Variants in ZNF599 observed in about 807,000 individuals in gnomAD.
The protein encoded by ZNF599 is zinc finger protein 599.
In ZNF599, 10 loss-of-function variants were observed where a neutral mutation model predicts 11.7. The observed-to-expected ratio is 0.86, with a 90% CI of 0.53 to 1.45. The LOEUF (loss-of-function observed/expected upper bound fraction) is 1.45, where lower values mean the gene tolerates loss of function less well. Among genes scored for constraint, ZNF599 ranks in the 40% most tolerant of loss-of-function variants. The pLI, the probability that ZNF599 is intolerant of heterozygous loss-of-function variation, is 0.00. For synonymous variants in ZNF599, 232 were observed against 253.2 expected (o/e 0.92, Z 0.79); for missense variants, 688 against 713.6 (o/e 0.96, Z 0.41).
the ZNF599 span, among the ~76,000 whole-genome samples, chr19:34,786,334 G>C: frequency 6.6e-6 from 1 of 152,084 alleles, no homozygotes; most frequent in Non-Finnish European, 1.5e-5. Context: ...ACTTGTTCTT[G>C]CTGCAGTTGG....
At position 34,759,587 on chromosome 19, in the gene ZNF599, G is replaced by A. The variant is rs1191173027; in HGVS notation, c.1214C>T (p.Thr405Ile). 12 of 1,613,190 alleles carry A rather than the reference G, an allele frequency of 7.4e-6. No homozygotes were observed. The highest frequency in any genetic ancestry group is 1.0e-5 in the Non-Finnish European group (12 of 1,179,778). Residue 405 changes from threonine (T) to isoleucine (I), a missense_variant, in exon 4 of 4, where the codon ACT (threonine) becomes ATT (isoleucine). Transcript: ENST00000329285. ...YECGECGKAF[T>I]HRSTFIRHKR... The stretch of plus-strand genomic sequence containing the variant: ...ATGTCGGATGAAAGTGGAGCGATGA[G>A]TAAAGGCCTTTCCACATTCACCGCA...
the ZNF599 span, among the ~76,000 whole-genome samples, chr19:34,793,563 A>G: frequency 2.0e-5 from 3 of 152,264 alleles, no homozygotes; most frequent in African/African-American, 7.2e-5. Context: ...ACAACAATGA[A>G]ATAAAAATAA....
the ZNF599 span, among the ~76,000 whole-genome samples, chr19:34,797,790 T>C: frequency 6.6e-6 from 1 of 152,324 alleles, no homozygotes; most frequent in African/African-American, 2.4e-5. Flanking sequence ...CAAAAGCTGA[T>C]TGCAAACAAT....
Position 34,760,175 on chromosome 19 carries a change from C to G in ZNF599, c.626G>C (p.Ser209Thr), listed in dbSNP as rs73591309. Reference protein sequence around the residue: ...YTCTECGKGFSKKWALVRHQQ... With the variant: ...YTCTECGKGFTKKWALVRHQQ... ...ATGCCGAACAAGGGCCCACTTCTTG[C>G]TAAACCCTTTCCCACATTCCGTGCA... The change falls in exon 4 of 4, where the codon AGC becomes ACC. Residue 209 changes from serine (S) to threonine (T), a missense_variant. Physicochemically the swap from Ser to Thr is moderately conservative, Grantham distance 58. Transcript: ENST00000329285. 2.1e-3 allele frequency: 3,418 copies of G among 1,614,156 alleles called. 75 individuals carry two copies. The African/African-American group carries it at 0.039, about 19-fold the overall frequency.
At chr19:34,769,767 TACAAG>T (rs1459963954) in intron 1 of ZNF599, among the ~76,000 whole-genome samples, 1 of 152,190 alleles carries the variant, frequency 6.6e-6, no homozygotes, top group African/African-American at 2.4e-5. Flanking sequence ...TGGAAAATGA[TACAAG>T]ACAATGATAA....
At position 34,759,027 on chromosome 19, in the gene ZNF599, G is replaced by T; in HGVS notation, c.*7C>A. ...AAACACACTTGTAATAGGCCTTCCT[G>T]TATCTTTTAAACTCTGGTATGAATC... On this transcript the variant is annotated 3_prime_UTR_variant, in exon 4 of 4. Transcript: ENST00000329285. 6.3e-7 allele frequency: 1 copy of T among 1,598,986 alleles called. No individual in the cohort carries two copies. The highest frequency in any genetic ancestry group is 8.5e-7 in the Non-Finnish European group (1 of 1,170,996).
At chr19:34,762,220 C>T (rs2069117625) in intron 3 of ZNF599, among the ~76,000 whole-genome samples, 1 of 152,088 alleles carries the variant, frequency 6.6e-6, no homozygotes, top group Admixed American at 6.5e-5. Flanking sequence ...CATACATTGC[C>T]CAGTCAACAT....
At chr19:34,804,787 C>A in the ZNF599 span, among the ~76,000 whole-genome samples, 11 of 152,254 alleles carry the variant, frequency 7.2e-5, no homozygotes, top group Admixed American at 2.6e-4. Context: ...GAGGAGAAAC[C>A]GAAAAGAAAA....
In ZNF599 at chr19:34,759,994, G is replaced by A; in HGVS notation, c.807C>T (p.His269=). 1 of 1,614,176 alleles carries A rather than the reference G, an allele frequency of 6.2e-7. No individual in the cohort carries two copies. Residue 269 remains histidine (H), a synonymous_variant, in exon 4 of 4, where the codon CAC becomes CAT. Coordinates refer to ENST00000329285, the MANE Select transcript of ZNF599 (RefSeq NM_001007248.3). ...ECGKAFKRRF[H]LTEHQRIHTG... ...TGTGAATACGCTGGTGCTCCGTGAG[G>A]TGAAACCTGCGTTTGAAGGCTTTCC...
the ZNF599 span, among the ~76,000 whole-genome samples, chr19:34,807,497 T>C: frequency 3.9e-5 from 6 of 152,248 alleles, no homozygotes. Context: ...CAAGGCTTCC[T>C]GTTGCCTTCG....
chr19:34,800,752 C>A, the ZNF599 span, among the ~76,000 whole-genome samples: 1 of 151,900 alleles, frequency 6.6e-6, no homozygotes, highest in Non-Finnish European at 1.5e-5. Context: ...TGCACCACTA[C>A]GCCCTACTAA....
At chr19:34,777,360 T>C (rs1251387436), upstream of ZNF599, among the ~76,000 whole-genome samples, 1 of 93,636 alleles carries the variant, frequency 1.1e-5, no homozygotes, top group Non-Finnish European at 1.9e-5. Flanking sequence ...TATTATATAT[T>C]AATATATTAT....
At chr19:34,780,344 C>A in the ZNF599 span, among the ~76,000 whole-genome samples, 1 of 151,750 alleles carries the variant, frequency 6.6e-6, no homozygotes, top group Admixed American at 6.6e-5. Context: ...CCTGTCTCTA[C>A]AAAAAAATTA....
At chr19:34,799,687 A>G in the ZNF599 span, among the ~76,000 whole-genome samples, 861 of 152,342 alleles carry the variant, frequency 5.7e-3, 2 homozygotes, top group African/African-American at 0.019. Context: ...TCCATATAAG[A>G]AAAGGAAGAG....
chr19:34,807,337 C>T, the ZNF599 span, among the ~76,000 whole-genome samples: 4 of 152,154 alleles, frequency 2.6e-5, no homozygotes, highest in Admixed American at 6.5e-5. Context: ...CACCGTGATG[C>T]GAGCCTGTGG....
Position 34,759,976 on chromosome 19 carries a change from A to G in ZNF599, c.825T>C (p.Arg275=), listed in dbSNP as rs1486236045. 4 of 1,614,034 alleles carry G rather than the reference A, an allele frequency of 2.5e-6. No homozygotes were observed. Among genetic ancestry groups the G allele is most frequent in the Non-Finnish European group, 3.4e-6 (4 of 1,180,038 alleles). Residue 275 remains arginine (R), a synonymous_variant, in exon 4 of 4, where the codon CGT becomes CGC. Transcript: ENST00000329285. ...CATAGGGCTTATCTCCGGTGTGAAT[A>G]CGCTGGTGCTCCGTGAGGTGAAACC... ...KRRFHLTEHQ[R]IHTGDKPYEC...
chr19:34,797,731 A>G, the ZNF599 span, among the ~76,000 whole-genome samples: 1 of 152,236 alleles, frequency 6.6e-6, no homozygotes. Flanking sequence ...AACACAGTCT[A>G]TCCATAACCT....
chr19:34,805,407 A>G, the ZNF599 span, among the ~76,000 whole-genome samples: 1 of 152,072 alleles, frequency 6.6e-6, no homozygotes, highest in Non-Finnish European at 1.5e-5. Context: ...CATGTTGGCC[A>G]GGATGGTCTC....
intron 3 of ZNF599, among the ~76,000 whole-genome samples, chr19:34,762,617 TTG>T (rs2069119664): frequency 1.3e-5 from 2 of 152,126 alleles, no homozygotes; most frequent in African/African-American, 2.4e-5. Flanking sequence ...GATAAATACA[TTG>T]TGTTATATTC....
Sources: allele counts gnomAD v4.1 joint callset (sites outside exome capture counted in the v4.1 genomes callset), GRCh38; gene constraint gnomAD v4.1.1; transcripts MANE v1.5; gene names NCBI Gene and HGNC (gene_info 2026-07-23, HGNC 2026-07-21).